The following ABTB3 variants were observed in gnomAD, a reference collection of about 807,000 sequenced individuals.
ABTB3 encodes ankyrin repeat and BTB domain containing 3.
chr12:107,320,097 A>AC, the ABTB3 span: 15 of 1,407,252 alleles, frequency 1.1e-5, no homozygotes, highest in Non-Finnish European at 1.4e-5. Flanking sequence ...CGCGGGTGCC[A>AC]CTCCCTCTCA....
the ABTB3 span, among the ~76,000 whole-genome samples, chr12:107,584,287 G>A: frequency 6.6e-6 from 1 of 152,216 alleles, no homozygotes; most frequent in Non-Finnish European, 1.5e-5. Context: ...CGTGTGGTGT[G>A]TACATAGCTG....
the ABTB3 span, among the ~76,000 whole-genome samples, chr12:107,638,570 G>A: frequency 2.0e-5 from 3 of 152,186 alleles, no homozygotes; most frequent in Non-Finnish European, 2.9e-5. Flanking sequence ...AAGGTTCCCC[G>A]GGTCCTCGGC....
At chr12:107,382,398 T>G in the ABTB3 span, among the ~76,000 whole-genome samples, 84,357 of 152,010 alleles carry the variant, frequency 0.55, 23,616 homozygotes, top group East Asian at 0.68. Flanking sequence ...TGGCTCCTTT[T>G]TAAAAGATCC....
the ABTB3 span, among the ~76,000 whole-genome samples, chr12:107,645,141 A>G: frequency 6.6e-6 from 1 of 151,906 alleles, no homozygotes; most frequent in African/African-American, 2.4e-5. Flanking sequence ...TTCTTTTTGT[A>G]TTTTTAGTAG....
At chr12:107,586,855 T>C in the ABTB3 span, among the ~76,000 whole-genome samples, 398 of 152,300 alleles carry the variant, frequency 2.6e-3, 4 homozygotes, top group African/African-American at 8.7e-3. Flanking sequence ...GTGACTGCTC[T>C]AGAGAGGTCA....
At chr12:107,331,420 G>C in the ABTB3 span, among the ~76,000 whole-genome samples, 1 of 152,206 alleles carries the variant, frequency 6.6e-6, no homozygotes, top group African/African-American at 2.4e-5. Flanking sequence ...ACGGGGACAG[G>C]AGTGTTTGAT....
chr12:107,444,390 C>A, the ABTB3 span, among the ~76,000 whole-genome samples: 10 of 152,312 alleles, frequency 6.6e-5, no homozygotes, highest in South Asian at 2.1e-3. Flanking sequence ...CTGTTAGGGA[C>A]ACTGGCCTGT....
chr12:107,491,822 CAAAA>C, the ABTB3 span, among the ~76,000 whole-genome samples: 1 of 61,816 alleles, frequency 1.6e-5, no homozygotes. Context: ...GACTCTGTCT[CAAAA>C]AAAAAAAAAA....
the ABTB3 span, among the ~76,000 whole-genome samples, chr12:107,652,278 GC>G: frequency 2.0e-5 from 3 of 152,238 alleles, no homozygotes; most frequent in Admixed American, 2.0e-4. Context: ...GCCACCTGTG[GC>G]TTTGCATGCC....
the ABTB3 span, among the ~76,000 whole-genome samples, chr12:107,626,511 A>C: frequency 6.6e-6 from 1 of 151,898 alleles, no homozygotes; most frequent in Admixed American, 6.6e-5. Context: ...ATGCCCGGCT[A>C]ATTTTTTTTT....
the ABTB3 span, among the ~76,000 whole-genome samples, chr12:107,592,328 G>C: frequency 3.3e-5 from 5 of 152,152 alleles, no homozygotes; most frequent in African/African-American, 1.2e-4. Flanking sequence ...AACACCACTG[G>C]AGGGGACTCT....
chr12:107,348,297 GCACA>G, the ABTB3 span, among the ~76,000 whole-genome samples: 3 of 150,140 alleles, frequency 2.0e-5, no homozygotes, highest in Non-Finnish European at 3.0e-5. Flanking sequence ...ACACACACAC[GCACA>G]CACACACACA....
chr12:107,463,955 G>A, the ABTB3 span, among the ~76,000 whole-genome samples: 1 of 152,154 alleles, frequency 6.6e-6, no homozygotes, highest in Non-Finnish European at 1.5e-5. Flanking sequence ...ATCTCTCTGG[G>A]CCTCTGTCAT....
At chr12:107,331,609 C>T in the ABTB3 span, among the ~76,000 whole-genome samples, 1 of 152,162 alleles carries the variant, frequency 6.6e-6, no homozygotes, top group Non-Finnish European at 1.5e-5. Flanking sequence ...GGGAAGCCTG[C>T]AGGGATGGGG....
the ABTB3 span, among the ~76,000 whole-genome samples, chr12:107,629,911 G>A: frequency 6.6e-6 from 1 of 152,054 alleles, no homozygotes. Flanking sequence ...TCTGACCTAT[G>A]GATCTCACCC....
chr12:107,403,728 G>C, the ABTB3 span, among the ~76,000 whole-genome samples: 2 of 152,128 alleles, frequency 1.3e-5, no homozygotes, highest in Non-Finnish European at 2.9e-5. Flanking sequence ...GCTGAAAGTC[G>C]CAGATCCCAG....
At chr12:107,320,760 C>A in the ABTB3 span, 1 of 444,550 alleles carries the variant, frequency 2.2e-6, no homozygotes, top group South Asian at 1.6e-5. Context: ...CAATTCCAGC[C>A]TCCCAGCTCT....
chr12:107,547,239 A>AGAAGAG, the ABTB3 span, among the ~76,000 whole-genome samples: 1 of 151,952 alleles, frequency 6.6e-6, no homozygotes, highest in Non-Finnish European at 1.5e-5. Flanking sequence ...AGGGGGAGGA[A>AGAAGAG]GAAGAGGAAG....
chr12:107,608,893 T>TAAATA, the ABTB3 span, among the ~76,000 whole-genome samples: 19,300 of 82,870 alleles, frequency 0.23, 2,061 homozygotes, highest in Middle Eastern at 0.36. Context: ...TAAAATAAAA[T>TAAATA]AAATAAAATA....
Sources: gnomAD v4.1 joint callset for allele counts (sites outside exome capture counted in the v4.1 genomes callset) on GRCh38, gnomAD v4.1.1 for gene constraint, MANE v1.5 for transcripts, NCBI Gene and HGNC (gene_info 2026-07-23, HGNC 2026-07-21) for gene names.